The following DNM3 variants were observed in gnomAD, a reference collection of about 807,000 sequenced individuals.
DNM3 encodes dynamin 3, also known as dynamin-3.
Under a neutral mutation model 101.6 loss-of-function variants are expected in DNM3, and 47 were observed. The ratio of observed to expected loss-of-function variants is 0.46; its 90% confidence interval spans 0.37 to 0.59. The LOEUF (loss-of-function observed/expected upper bound fraction) is 0.59, where lower values mean the gene tolerates loss of function less well. Ranked by LOEUF, DNM3 falls within the 20% of genes least tolerant of loss-of-function variation. The pLI, the probability that DNM3 is intolerant of heterozygous loss-of-function variation, is 0.00. For missense variants in DNM3, 849 were observed against 1,085.7 expected (o/e 0.78, Z 3.06); for synonymous variants, 385 against 387.9 (o/e 0.99, Z 0.09).
intron 10 of DNM3, among the ~76,000 whole-genome samples, chr1:172,050,973 A>G (rs2050166639): frequency 6.6e-6 from 1 of 152,090 alleles, no homozygotes; most frequent in Non-Finnish European, 1.5e-5. Context: ...GTTCCCAGAC[A>G]CTTTTTGGCT....
rs753212832 is a variant in DNM3 at position 172,411,905 on chromosome 1, CA to C, written c.*4065del. ...TTCGTTCACCAGATCACTCATTGTA[CA>C]TTCTAAAAAGCTCAAATGAGTCTTC... is the stretch of plus-strand genomic sequence containing the variant. On this transcript the variant is annotated 3_prime_UTR_variant, in exon 21 of 21. Coordinates refer to ENST00000627582, the MANE Select transcript of DNM3 (RefSeq NM_015569.5). 6.7e-5 allele frequency: 66 copies of C among 985,746 alleles called. No individual in the cohort carries two copies. The South Asian group carries it at 2.5e-3, about 38-fold the overall frequency. 61.1% of individuals were successfully genotyped at this position (985,746 alleles called of 1,614,324 possible).
intron 1 of DNM3, among the ~76,000 whole-genome samples, chr1:171,850,819 T>A (rs1191083139): frequency 6.6e-6 from 1 of 151,252 alleles, no homozygotes; most frequent in Admixed American, 6.6e-5. Flanking sequence ...GGCAGAAGGA[T>A]CATGAGTTCC....
chr1:172,056,597 C>T (rs1253784970), intron 10 of DNM3, among the ~76,000 whole-genome samples: 24 of 152,150 alleles, frequency 1.6e-4, no homozygotes, highest in South Asian at 2.1e-4. Context: ...ACACCTCACA[C>T]GGCAGGGTAC....
chr1:172,233,710 T>A (rs2061426651), intron 14 of DNM3, among the ~76,000 whole-genome samples: 1 of 152,172 alleles, frequency 6.6e-6, no homozygotes, highest in Non-Finnish European at 1.5e-5. Context: ...GTGGGCTTCA[T>A]CCCTGGGATG....
At chr1:172,195,779 A>G (rs2059924151) in intron 14 of DNM3, among the ~76,000 whole-genome samples, 1 of 151,808 alleles carries the variant, frequency 6.6e-6, no homozygotes, top group African/African-American at 2.4e-5. Flanking sequence ...TCACTTGGTT[A>G]TGATGTGTAA....
rs138757585 is a variant in DNM3, at chr1:172,341,809, A to G, written c.1893+18469A>G. Among the ~76,000 whole-genome samples, 24 of 152,228 alleles carry G rather than the reference A, an allele frequency of 1.6e-4. No individual in the cohort carries two copies. The East Asian group carries it at 4.6e-3, about 29-fold the overall frequency. Reference sequence around the variant, plus strand: ...GATAACTTAGGCGATACCATTCTGGACATAGGAATTTGCAAATATTTCCTG... The same window carrying G: ...GATAACTTAGGCGATACCATTCTGGGCATAGGAATTTGCAAATATTTCCTG... On this transcript the variant is annotated intron_variant, in intron 17 of 20. Coordinates refer to ENST00000627582, the MANE Select transcript of DNM3 (RefSeq NM_015569.5).
chr1:172,008,083 T>A (rs1380247514), intron 4 of DNM3, among the ~76,000 whole-genome samples: 1 of 152,162 alleles, frequency 6.6e-6, no homozygotes, highest in Non-Finnish European at 1.5e-5. Context: ...TTGTTTGAGT[T>A]CCTTGTATAT....
chr1:172,411,763 A>G lies in DNM3; in HGVS notation c.*3922A>G. On this transcript the variant is annotated 3_prime_UTR_variant, in exon 21 of 21. Transcript: ENST00000627582. Reference sequence around the variant, plus strand: ...GGTCTCTAACTGTTGAACTCATGAAAGAAGATAGTGTATGAGACTTAAGCC... The same window carrying G: ...GGTCTCTAACTGTTGAACTCATGAAGGAAGATAGTGTATGAGACTTAAGCC... 1.0e-6 allele frequency: 1 copy of G among 985,506 alleles called. No individual in the cohort carries two copies. Among genetic ancestry groups the G allele is most frequent in the African/African-American group, 1.7e-5 (1 of 57,368 alleles). The allele number at this position is 985,506 out of a possible 1,614,324, so 61.0% of individuals were successfully genotyped here.
chr1:172,054,390 T>A (rs6425599), intron 10 of DNM3, among the ~76,000 whole-genome samples: 2 of 152,008 alleles, frequency 1.3e-5, no homozygotes, highest in Admixed American at 6.5e-5. Context: ...ACATCTCAAC[T>A]TTGAAATTAT....
intron 4 of DNM3, among the ~76,000 whole-genome samples, chr1:172,031,062 A>G (rs2048567533): frequency 6.6e-6 from 1 of 152,230 alleles, no homozygotes; most frequent in Admixed American, 6.5e-5. Context: ...GTATATACCC[A>G]AAGAAATATA....
intron 15 of DNM3, among the ~76,000 whole-genome samples, chr1:172,299,297 A>G (rs1274708586): frequency 6.6e-6 from 1 of 152,218 alleles, no homozygotes; most frequent in Admixed American, 6.5e-5. Flanking sequence ...CATCATAGGG[A>G]GTGTGGCCTT....
intron 2 of DNM3, among the ~76,000 whole-genome samples, chr1:171,949,627 G>T (rs2042382017): frequency 6.6e-6 from 1 of 151,766 alleles, no homozygotes; most frequent in Non-Finnish European, 1.5e-5. Context: ...TGTTGCCAGG[G>T]TTGGTCTTGA....
chr1:171,861,837 A>G (rs898313710), intron 1 of DNM3, among the ~76,000 whole-genome samples: 4 of 152,180 alleles, frequency 2.6e-5, no homozygotes, highest in Non-Finnish European at 4.4e-5. Context: ...TGCAAATTAT[A>G]TATGTGATAG....
intron 13 of DNM3, among the ~76,000 whole-genome samples, chr1:172,130,458 AG>A (rs142372516): frequency 0.22 from 33,316 of 152,054 alleles, 4,483 homozygotes; most frequent in Non-Finnish European, 0.31. Context: ...CTATAATCCA[AG>A]TTGTTAATAT....
chr1:172,307,676 A>G (rs2064894810), intron 15 of DNM3, among the ~76,000 whole-genome samples: 1 of 152,214 alleles, frequency 6.6e-6, no homozygotes, highest in African/African-American at 2.4e-5. Flanking sequence ...CATGTACACC[A>G]TGGAATACTA....
At chr1:172,320,273 G>C (rs1411168721) in intron 16 of DNM3, among the ~76,000 whole-genome samples, 4 of 151,544 alleles carry the variant, frequency 2.6e-5, no homozygotes, top group East Asian at 1.9e-4. Flanking sequence ...AGGAGATATA[G>C]CTAATGCTAA....
intron 12 of DNM3, among the ~76,000 whole-genome samples, chr1:172,091,292 A>G (rs567779196): frequency 6.6e-6 from 1 of 152,342 alleles, no homozygotes; most frequent in South Asian, 2.1e-4. Flanking sequence ...TTACAGTCTA[A>G]TGGAAAAGGG....
At chr1:172,133,232 G>A (rs2057036811) in intron 14 of DNM3, 1 of 1,116,044 alleles carries the variant, frequency 9.0e-7, no homozygotes, top group Non-Finnish European at 1.1e-6. Context: ...TCTCTGTAGG[G>A]AAGGAAGAAG....
In DNM3 at chr1:172,277,076, A is replaced by G. The variant is rs1172576373; in HGVS notation, c.1769+23394A>G. On this transcript the variant is annotated intron_variant, in intron 15 of 20. Transcript: ENST00000627582. ...GTGCTTTATTGAGCATCTGTTATGT[A>G]TTAGGCTCTGAGGTAGGAGCTAATG... 2.0e-5 allele frequency among the ~76,000 whole-genome samples: 3 copies of G among 152,062 alleles called. No individual in the cohort carries two copies. In the East Asian group the frequency reaches 5.8e-4, roughly 29 times the overall value.
Sources: allele counts gnomAD v4.1 joint callset (sites outside exome capture counted in the v4.1 genomes callset), GRCh38; gene constraint gnomAD v4.1.1; transcripts MANE v1.5; gene names NCBI Gene and HGNC (gene_info 2026-07-23, HGNC 2026-07-21).